STEAP1B: variants seen among roughly 807,000 people sequenced by gnomAD.
The protein encoded by STEAP1B is STEAP family protein MGC87042.
Under a neutral mutation model 27.9 loss-of-function variants are expected in STEAP1B, and 13 were observed. The ratio of observed to expected loss-of-function variants is 0.47; its 90% confidence interval spans 0.30 to 0.74. The LOEUF (loss-of-function observed/expected upper bound fraction) is 0.74, where lower values mean the gene tolerates loss of function less well. Ranked by LOEUF, STEAP1B falls within the 30% of genes least tolerant of loss-of-function variation. The pLI is 0.06. For synonymous variants in STEAP1B, 86 were observed against 107.1 expected, an observed-to-expected ratio of 0.80 and a Z score of 1.22; for missense variants, 250 against 298.7, an observed-to-expected ratio of 0.84 and a Z score of 1.20.
chr7:22,435,467 T>C (rs1189842793), intron 4 of STEAP1B, among the ~76,000 whole-genome samples: 1 of 152,132 alleles, frequency 6.6e-6, no homozygotes, highest in Non-Finnish European at 1.5e-5. Context: ...GAAAAATAAG[T>C]AGAATCTAAT....
At chr7:22,473,610 G>T (rs1244463210) in intron 4 of STEAP1B, among the ~76,000 whole-genome samples, 6 of 152,220 alleles carry the variant, frequency 3.9e-5, no homozygotes, top group African/African-American at 1.2e-4. Context: ...ATTTTCTGGA[G>T]TTCTTCAAAA....
intron 4 of STEAP1B, among the ~76,000 whole-genome samples, chr7:22,478,686 G>A (rs1041934627): frequency 1.3e-5 from 2 of 152,130 alleles, no homozygotes; most frequent in East Asian, 3.8e-4. Context: ...ACTTGGGGGG[G>A]GCTTGGACAG....
At chr7:22,482,866 A>C (rs1786107596) in intron 4 of STEAP1B, among the ~76,000 whole-genome samples, 1 of 152,194 alleles carries the variant, frequency 6.6e-6, no homozygotes, top group African/African-American at 2.4e-5. Flanking sequence ...AGTCAACAGC[A>C]GTTTATGAGT....
chr7:22,475,988 T>C (rs550539028), intron 4 of STEAP1B, among the ~76,000 whole-genome samples: 1 of 152,274 alleles, frequency 6.6e-6, no homozygotes, highest in Admixed American at 6.5e-5. Flanking sequence ...CCTGTCTCAT[T>C]TGCTGGCTCT....
intron 4 of STEAP1B, among the ~76,000 whole-genome samples, chr7:22,430,557 C>T (rs1401943037): frequency 6.6e-6 from 1 of 152,212 alleles, no homozygotes; most frequent in Non-Finnish European, 1.5e-5. Flanking sequence ...AAAGTGAGTA[C>T]ATCTTTTTCG....
chr7:22,438,358 G>A, intron 4 of STEAP1B: 1 of 1,077,860 alleles, frequency 9.3e-7, no homozygotes, highest in African/African-American at 1.6e-5. Flanking sequence ...TACTGTTAGT[G>A]AAGATTGCAT....
chr7:22,448,478 T>C (rs1485206677), intron 4 of STEAP1B, among the ~76,000 whole-genome samples: 1 of 152,236 alleles, frequency 6.6e-6, no homozygotes, highest in Non-Finnish European at 1.5e-5. Context: ...AAAAATATGT[T>C]ATCATTCTAT....
intron 4 of STEAP1B, among the ~76,000 whole-genome samples, chr7:22,456,158 A>C (rs1456015804): frequency 6.6e-6 from 1 of 152,146 alleles, no homozygotes; most frequent in Non-Finnish European, 1.5e-5. Context: ...AAAAAAAAAA[A>C]AATCTTCCTA....
chr7:22,441,746 C>G (rs970350243), intron 4 of STEAP1B, among the ~76,000 whole-genome samples: 1 of 152,148 alleles, frequency 6.6e-6, no homozygotes, highest in Non-Finnish European at 1.5e-5. Flanking sequence ...CAATGTATAA[C>G]CAAATGTTTT....
chr7:22,483,293 T>C (rs1414721349), intron 4 of STEAP1B, among the ~76,000 whole-genome samples: 3 of 152,228 alleles, frequency 2.0e-5, no homozygotes, highest in Admixed American at 6.5e-5. Flanking sequence ...GTGTTTTGTT[T>C]TGCTATGTTT....
At chr7:22,438,441 T>C in intron 4 of STEAP1B, 1 of 1,519,170 alleles carries the variant, frequency 6.6e-7, no homozygotes, top group Non-Finnish European at 8.8e-7. Flanking sequence ...GGTCTGCAAG[T>C]ATGTAAGATG....
chr7:22,449,324 C>T (rs1785452169), intron 4 of STEAP1B, among the ~76,000 whole-genome samples: 1 of 152,216 alleles, frequency 6.6e-6, no homozygotes, highest in Non-Finnish European at 1.5e-5. Context: ...GGTAACCATC[C>T]TTCTACACTC....
In STEAP1B at chr7:22,469,077, C is replaced by T. The variant is rs76710612; in HGVS notation, c.762+23488G>A. Among the ~76,000 whole-genome samples, 390 of 152,218 alleles carry T rather than the reference C, an allele frequency of 2.6e-3. 5 individuals are homozygous for T. The highest frequency in any genetic ancestry group is 0.014 in the East Asian group (73 of 5,180). ...AGAAGGAATTTTTATCATGGGACAT[C>T]ACAGCTCTGTGTGTGTTATGATTCC... is the stretch of plus-strand genomic sequence containing the variant. On this transcript the variant is annotated intron_variant, in intron 4 of 4. Transcript: ENST00000678116.
intron 2 of STEAP1B, 21 bp downstream of exon 2, chr7:22,494,751 T>A: frequency 7.3e-7 from 1 of 1,368,484 alleles, no homozygotes; most frequent in South Asian, 1.3e-5. Flanking sequence ...TTATTTATTA[T>A]TGTCATTATT....
intron 4 of STEAP1B, among the ~76,000 whole-genome samples, chr7:22,482,266 T>C (rs1226652406): frequency 6.6e-6 from 1 of 152,116 alleles, no homozygotes; most frequent in Non-Finnish European, 1.5e-5. Context: ...ACTGGGGGTA[T>C]GCTCTCAGGA....
chr7:22,466,052 T>C lies in STEAP1B; in HGVS notation c.762+26513A>G, dbSNP rs568796831. Among the ~76,000 whole-genome samples the C allele has an allele frequency of 1.6e-3, 240 of 152,330 alleles. 1 individual carries two copies. Among genetic ancestry groups the C allele is most frequent in the Middle Eastern group, 6.8e-3 (2 of 294 alleles). On this transcript the variant is annotated intron_variant, in intron 4 of 4. Transcript: ENST00000678116. ...AACACACATTCAGGTGTGTGTGCCATACAGGCTCATTCTCAGGGTATGCTG... is the reference window on the plus strand; with the variant it reads ...AACACACATTCAGGTGTGTGTGCCACACAGGCTCATTCTCAGGGTATGCTG...
At chr7:22,426,508 A>G (rs1025283367) in intron 4 of STEAP1B, among the ~76,000 whole-genome samples, 4 of 152,226 alleles carry the variant, frequency 2.6e-5, no homozygotes, top group Non-Finnish European at 5.9e-5. Flanking sequence ...CTCCACCCCA[A>G]CTTCATAAGT....
At chr7:22,450,284 C>T (rs1189672632) in intron 4 of STEAP1B, among the ~76,000 whole-genome samples, 1 of 152,168 alleles carries the variant, frequency 6.6e-6, no homozygotes, top group East Asian at 1.9e-4. Context: ...TTCAATGTTT[C>T]TTTGTAGTAG....
intron 4 of STEAP1B, among the ~76,000 whole-genome samples, chr7:22,450,574 T>C (rs992366427): frequency 2.0e-5 from 3 of 151,098 alleles, no homozygotes; most frequent in African/African-American, 7.3e-5. Context: ...TTTGGTTACT[T>C]AGGTAATGTG....
Sources: allele counts gnomAD v4.1 joint callset (sites outside exome capture counted in the v4.1 genomes callset), GRCh38; gene constraint gnomAD v4.1.1; transcripts MANE v1.5; gene names NCBI Gene and HGNC (gene_info 2026-07-23, HGNC 2026-07-21).